The following SDK2 variants were observed in gnomAD, a reference collection of about 807,000 sequenced individuals.
The protein encoded by SDK2 is protein sidekick-2.
A neutral mutation model predicts 253.9 loss-of-function variants in SDK2; 105 were observed. The observed-to-expected ratio is 0.41, with a 90% CI of 0.35 to 0.49. The LOEUF (loss-of-function observed/expected upper bound fraction) is 0.49, where lower values mean the gene tolerates loss of function less well. Among genes scored for constraint, SDK2 ranks in the 20% least tolerant of loss-of-function variants. The pLI is 0.06. For synonymous variants in SDK2, 1,249 were observed against 1,234.9 expected (o/e 1.01, Z -0.24); for missense variants, 2,608 against 3,003.0 (o/e 0.87, Z 3.07).
rs145518440 is a variant in SDK2, at chr17:73,468,581, A to G, written c.331+3531T>C. 9.2e-3 allele frequency among the ~76,000 whole-genome samples: 1,391 copies of G among 151,324 alleles called. 25 individuals carry two copies. The highest frequency in any genetic ancestry group is 0.032 in the African/African-American group (1,326 of 41,274). ...GGCTAGAGTGCAGTGGTATGATCTC[A>G]GCTCACTGCAACCTCCGCCTCCCAG... is the stretch of plus-strand genomic sequence containing the variant. On this transcript the variant is annotated intron_variant, in intron 3 of 44. Transcript: ENST00000392650.
chr17:73,556,331 T>TA (rs1665537942), intron 1 of SDK2, among the ~76,000 whole-genome samples: 1 of 122,848 alleles, frequency 8.1e-6, no homozygotes, highest in Admixed American at 7.4e-5. Flanking sequence ...GGGTTTTTTT[T>TA]ATTGTTGTTG....
chr17:73,641,967 C>T (rs1314077140), intron 1 of SDK2, among the ~76,000 whole-genome samples: 1 of 152,190 alleles, frequency 6.6e-6, no homozygotes, highest in African/African-American at 2.4e-5. Context: ...GGAAAACACT[C>T]TCGGAGCCAG....
intron 22 of SDK2, 26 bp from the exon 23 acceptor site, chr17:73,398,455 T>G: frequency 6.3e-7 from 1 of 1,593,924 alleles, no homozygotes; most frequent in Non-Finnish European, 8.6e-7. Context: ...ATCTTAGGCC[T>G]GTCCAGCCTA....
At position 73,335,988 on chromosome 17, in the gene SDK2, G is replaced by A. The variant is rs1469407079; in HGVS notation, c.*2599C>T. ...GGGGTGGAATATCTTAGTGCACCAG[G>A]TGATTCATTAAAGGCAAAGGAAAAT... On this transcript the variant is annotated 3_prime_UTR_variant, in exon 45 of 45. Transcript: ENST00000392650. 6.6e-6 allele frequency: 1 copy of A among 152,234 alleles called. No individual in the cohort carries two copies. The highest frequency in any genetic ancestry group is 1.5e-5 in the Non-Finnish European group (1 of 68,060). The allele number at this position is 152,234 out of a possible 1,614,324, so 9.4% of individuals were successfully genotyped here.
intron 3 of SDK2, among the ~76,000 whole-genome samples, chr17:73,457,398 C>G (rs929785239): frequency 4.0e-5 from 6 of 149,066 alleles, no homozygotes; most frequent in Non-Finnish European, 7.4e-5. Context: ...CTTCAATCAG[C>G]CAAGTGCAGT....
At position 73,528,256 on chromosome 17, in the gene SDK2, G is replaced by A. The variant is rs530413117; in HGVS notation, c.65-20659C>T. Among the ~76,000 whole-genome samples, 5 of 152,280 alleles carry A rather than the reference G, an allele frequency of 3.3e-5. No individual in the cohort carries two copies. The South Asian group carries it at 8.3e-4, about 25-fold the overall frequency. ...GGGAGAGTGAAGAGGTAGGGAGCCCGGCAGTCTTTGCTGAGTACATCTCCA... is the reference window on the plus strand; with the variant it reads ...GGGAGAGTGAAGAGGTAGGGAGCCCAGCAGTCTTTGCTGAGTACATCTCCA... On this transcript the variant is annotated intron_variant, in intron 1 of 44. Coordinates refer to ENST00000392650, the MANE Select transcript of SDK2 (RefSeq NM_001144952.2).
intron 1 of SDK2, among the ~76,000 whole-genome samples, chr17:73,569,573 T>C (rs546443265): frequency 4.7e-5 from 7 of 149,388 alleles, no homozygotes; most frequent in Admixed American, 1.3e-4. Flanking sequence ...GGGGTGGGGA[T>C]TGCTTTCAAA....
chr17:73,452,210 C>T (rs1186773545), intron 4 of SDK2, among the ~76,000 whole-genome samples: 2 of 152,168 alleles, frequency 1.3e-5, no homozygotes, highest in Non-Finnish European at 2.9e-5. Context: ...TGAGGTGGTG[C>T]TAATCTCTGC....
rs747216276 is a variant in SDK2 at position 73,415,976 on chromosome 17, G to C, written c.2203C>G (p.Leu735Val). 6.2e-7 allele frequency: 1 copy of C among 1,610,754 alleles called. No homozygotes were observed. Among genetic ancestry groups the C allele is most frequent in the South Asian group, 1.1e-5 (1 of 90,052 alleles). Residue 735 changes from leucine (L) to valine (V), a missense_variant, in exon 17 of 45, where the codon CTG becomes GTG. Physicochemically the swap from Leu to Val is conservative, Grantham distance 32. Coordinates refer to ENST00000392650, the MANE Select transcript of SDK2 (RefSeq NM_001144952.2). Reference protein sequence around the residue: ...GYIIRYCLAGLPVGYQFKNIT... With the variant: ...GYIIRYCLAGVPVGYQFKNIT... ...TTCTTAAACTGGTACCCCACGGGCA[G>C]CCCGGCCAGGCAGTACCTGAGGGGA...
rs890919247 is a variant in SDK2 at position 73,629,300 on chromosome 17, C to T, written c.64+14725G>A. ...GGGAAGAAAGACCACAAGCCCCAGA[C>T]GCATCTGCCTGTCCCACATGTGCTT... On this transcript the variant is annotated intron_variant, in intron 1 of 44. Coordinates refer to ENST00000392650, the MANE Select transcript of SDK2 (RefSeq NM_001144952.2). The surrounding 1 kb of genome is among the most constrained non-coding windows in gnomAD (Gnocchi z 5.0). 2.6e-5 allele frequency among the ~76,000 whole-genome samples: 4 copies of T among 152,188 alleles called. No homozygotes were observed. Among genetic ancestry groups the T allele is most frequent in the Non-Finnish European group, 4.4e-5 (3 of 68,024 alleles).
chr17:73,632,496 C>A lies in SDK2; in HGVS notation c.64+11529G>T, dbSNP rs148531344. On this transcript the variant is annotated intron_variant, in intron 1 of 44. Transcript: ENST00000392650. ...CCAGGGGCTCTCAGACCTTTGGCCA[C>A]AGACTGAAGGCTGCACTGTCGGCTT... 5.3e-5 allele frequency among the ~76,000 whole-genome samples: 8 copies of A among 152,344 alleles called. No individual in the cohort carries two copies. The East Asian group carries it at 1.5e-3, about 29-fold the overall frequency.
chr17:73,536,328 G>T (rs574187122), intron 1 of SDK2, among the ~76,000 whole-genome samples: 5 of 152,326 alleles, frequency 3.3e-5, no homozygotes, highest in African/African-American at 1.2e-4. Context: ...GTTGTGGAAG[G>T]TTTGGTGTTG....
At chr17:73,356,757 G>A (rs1238221441) in intron 40 of SDK2, among the ~76,000 whole-genome samples, 1 of 152,174 alleles carries the variant, frequency 6.6e-6, no homozygotes, top group East Asian at 1.9e-4. Context: ...GCCCTGCTCC[G>A]AGTCCTGGTT....
chr17:73,436,694 C>T (rs755497374), intron 8 of SDK2, among the ~76,000 whole-genome samples: 2 of 152,080 alleles, frequency 1.3e-5, no homozygotes, highest in Non-Finnish European at 1.5e-5. Context: ...TTCCCGGCAC[C>T]CTTTGATCCT....
intron 2 of SDK2, among the ~76,000 whole-genome samples, chr17:73,506,460 G>C (rs1362021503): frequency 6.6e-6 from 1 of 152,142 alleles, no homozygotes; most frequent in Non-Finnish European, 1.5e-5. Flanking sequence ...AGAAAGACTG[G>C]GGTGGGGAGT....
intron 39 of SDK2, among the ~76,000 whole-genome samples, chr17:73,359,789 G>A (rs919885791): frequency 6.6e-6 from 1 of 152,156 alleles, no homozygotes; most frequent in African/African-American, 2.4e-5. Context: ...GGGACTTCAG[G>A]TATTCACCAG....
At chr17:73,363,488 C>T (rs187517173) in intron 38 of SDK2, among the ~76,000 whole-genome samples, 121 of 152,304 alleles carry the variant, frequency 7.9e-4, no homozygotes, top group African/African-American at 2.6e-3. Flanking sequence ...CAATTCTGAA[C>T]AAAGCCCTCA....
At chr17:73,434,742 C>G (rs2063353729) in intron 9 of SDK2, among the ~76,000 whole-genome samples, 1 of 152,220 alleles carries the variant, frequency 6.6e-6, no homozygotes. Context: ...GTGGTCCTCT[C>G]ACTTCAGCAT....
intron 1 of SDK2, among the ~76,000 whole-genome samples, chr17:73,536,838 C>A (rs2081964025): frequency 6.6e-6 from 1 of 152,222 alleles, no homozygotes; most frequent in Non-Finnish European, 1.5e-5. Context: ...CCGCCTCCTT[C>A]CCTACTCCGC....
Sources: gnomAD v4.1 joint callset for allele counts (sites outside exome capture counted in the v4.1 genomes callset) on GRCh38, gnomAD v4.1.1 for gene constraint, Gnocchi (gnomAD v3.1) non-coding constraint, MANE v1.5 for transcripts, NCBI Gene and HGNC (gene_info 2026-07-23, HGNC 2026-07-21) for gene names.